B4GALT5: variants seen among roughly 807,000 people sequenced by gnomAD.
B4GALT5 encodes the protein UDP-Gal:beta-GlcNAc beta-1,4-galactosyltransferase 5.
B4GALT5 carries 11 observed loss-of-function variants against 45.0 expected under a neutral mutation model. The ratio of observed to expected loss-of-function variants is 0.24; its 90% CI spans 0.15 to 0.40. The LOEUF (loss-of-function observed/expected upper bound fraction) is 0.40, where lower values mean the gene tolerates loss of function less well. Among genes scored for constraint, B4GALT5 ranks in the 10% least tolerant of loss-of-function variants. The pLI, the probability that B4GALT5 is intolerant of heterozygous loss-of-function variation, is 1.00. For missense variants in B4GALT5, 337 were observed against 500.2 expected (o/e 0.67, Z 3.11); for synonymous variants, 185 against 182.9 (o/e 1.01, Z -0.09).
Position 49,645,324 on chromosome 20 carries a change from A to G in B4GALT5, c.364+1641T>C, listed in dbSNP as rs577478135. On this transcript the variant is annotated intron_variant, in intron 3 of 8. Coordinates refer to ENST00000371711, the MANE Select transcript of B4GALT5 (RefSeq NM_004776.4). ...GACGGATGGCATATACGGTGGTTGC[A>G]TAAGATCACAATGGAGTTGAAAAAT... is the stretch of plus-strand genomic sequence containing the variant. 5.3e-5 allele frequency among the ~76,000 whole-genome samples: 8 copies of G among 152,338 alleles called. No individual in the cohort carries two copies. The South Asian group carries it at 6.2e-4, about 12-fold the overall frequency.
intron 1 of B4GALT5, among the ~76,000 whole-genome samples, chr20:49,712,902 G>A (rs1309223001): frequency 6.6e-6 from 1 of 150,892 alleles, no homozygotes; most frequent in Non-Finnish European, 1.5e-5. Flanking sequence ...TTGAATGGGG[G>A]TGGACCTCTG....
chr20:49,675,070 A>G (rs1366615935), intron 1 of B4GALT5, among the ~76,000 whole-genome samples: 1 of 152,238 alleles, frequency 6.6e-6, no homozygotes, highest in Non-Finnish European at 1.5e-5. Flanking sequence ...GCTCAGGAAG[A>G]AAAGGGAGTG....
intron 1 of B4GALT5, among the ~76,000 whole-genome samples, chr20:49,687,616 C>T (rs2146352600): frequency 6.6e-6 from 1 of 151,938 alleles, no homozygotes; most frequent in East Asian, 1.9e-4. Context: ...TGCACTCCAG[C>T]CTGGGTAACA....
chr20:49,662,873 T>G (rs2146339925), intron 1 of B4GALT5, among the ~76,000 whole-genome samples: 1 of 152,350 alleles, frequency 6.6e-6, no homozygotes, highest in African/African-American at 2.4e-5. Context: ...CAAAGGAGAC[T>G]GGTTGAATAC....
intron 1 of B4GALT5, among the ~76,000 whole-genome samples, chr20:49,663,944 G>A (rs984281040): frequency 1.3e-5 from 2 of 151,866 alleles, no homozygotes; most frequent in Non-Finnish European, 2.9e-5. Context: ...GGAAATCAAT[G>A]GATGCTAAAA....
At chr20:49,686,777 C>T (rs969305251) in intron 1 of B4GALT5, among the ~76,000 whole-genome samples, 1 of 144,992 alleles carries the variant, frequency 6.9e-6, no homozygotes, top group African/African-American at 2.6e-5. Context: ...TGCACACCTA[C>T]AGCCCCAGAG....
At chr20:49,695,029 A>G (rs1288509886) in intron 1 of B4GALT5, among the ~76,000 whole-genome samples, 2 of 152,116 alleles carry the variant, frequency 1.3e-5, no homozygotes, top group Non-Finnish European at 2.9e-5. Context: ...TTAGATTTTC[A>G]AAGTGCCATA....
chr20:49,651,170 C>T (rs6019949), intron 2 of B4GALT5, among the ~76,000 whole-genome samples: 1,888 of 152,110 alleles, frequency 0.012, 41 homozygotes, highest in African/African-American at 0.043. Context: ...CCTGTAGCTC[C>T]GGCTACTCAG....
intron 1 of B4GALT5, among the ~76,000 whole-genome samples, chr20:49,712,840 G>GT (rs1233820656): frequency 2.8e-5 from 4 of 144,708 alleles, no homozygotes; most frequent in Non-Finnish European, 3.0e-5. Flanking sequence ...CGCGAGGTGG[G>GT]GGGGGGGGAG....
chr20:49,643,922 C>CTTTTTTTTTTTTTTTTTTT (rs138727530), intron 3 of B4GALT5, among the ~76,000 whole-genome samples: 2 of 52,184 alleles, frequency 3.8e-5, no homozygotes, highest in African/African-American at 1.7e-4. Context: ...AGTAGCTGAG[C>CTTTTTTTTTTTTTTTTTTT]TTTTTTTTTT....
At chr20:49,683,550 T>C (rs2085772959) in intron 1 of B4GALT5, among the ~76,000 whole-genome samples, 1 of 151,870 alleles carries the variant, frequency 6.6e-6, no homozygotes, top group African/African-American at 2.4e-5. Context: ...CCCACCATCA[T>C]GCCCGGCTAA....
chr20:49,674,758 T>A (rs1236373478), intron 1 of B4GALT5, among the ~76,000 whole-genome samples: 1 of 152,068 alleles, frequency 6.6e-6, no homozygotes, highest in Non-Finnish European at 1.5e-5. Context: ...TCCTATAATG[T>A]CATAGGTGAA....
intron 3 of B4GALT5, among the ~76,000 whole-genome samples, chr20:49,645,551 C>T (rs1411139855): frequency 2.6e-5 from 4 of 152,116 alleles, no homozygotes; most frequent in African/African-American, 9.7e-5. Context: ...GAGTTCAAGA[C>T]CAGCCTGGCC....
chr20:49,678,493 C>T (rs925419553), intron 1 of B4GALT5, among the ~76,000 whole-genome samples: 1 of 152,160 alleles, frequency 6.6e-6, no homozygotes, highest in Non-Finnish European at 1.5e-5. Context: ...CCATGAGTCC[C>T]TACGTGGTGG....
intron 1 of B4GALT5, among the ~76,000 whole-genome samples, chr20:49,666,332 C>T (rs530709625): frequency 1.2e-4 from 18 of 152,282 alleles, no homozygotes; most frequent in African/African-American, 3.6e-4. Flanking sequence ...CTAGACACAA[C>T]TGACCAGAGC....
intron 6 of B4GALT5, among the ~76,000 whole-genome samples, chr20:49,640,083 T>C (rs1035921050): frequency 2.0e-5 from 3 of 152,224 alleles, no homozygotes; most frequent in African/African-American, 7.2e-5. Context: ...TATATTAACA[T>C]GTTTCATCAC....
chr20:49,653,958 G>C (rs746281070), intron 2 of B4GALT5, among the ~76,000 whole-genome samples: 1 of 152,208 alleles, frequency 6.6e-6, no homozygotes, highest in East Asian at 1.9e-4. Flanking sequence ...TGCCAGACCG[G>C]CAGTGGTGTG....
intron 2 of B4GALT5, among the ~76,000 whole-genome samples, chr20:49,650,417 G>A (rs1568718124): frequency 6.8e-6 from 1 of 146,286 alleles, no homozygotes; most frequent in Non-Finnish European, 1.5e-5. Flanking sequence ...TCAGGAGTTC[G>A]AGATCAGCCT....
chr20:49,663,846 T>C (rs553508580), intron 1 of B4GALT5, among the ~76,000 whole-genome samples: 48 of 151,816 alleles, frequency 3.2e-4, no homozygotes, highest in African/African-American at 1.1e-3. Flanking sequence ...AGAGATATAC[T>C]GTAAGGACAA....
Sources: gnomAD v4.1 joint callset for allele counts (sites outside exome capture counted in the v4.1 genomes callset) on GRCh38, gnomAD v4.1.1 for gene constraint, MANE v1.5 for transcripts, NCBI Gene and HGNC (gene_info 2026-07-23, HGNC 2026-07-21) for gene names.